KLHL1: variants seen among roughly 807,000 people sequenced by gnomAD.
KLHL1 encodes the protein kelch-like protein 1.
In KLHL1, 47 loss-of-function variants were observed where a neutral mutation model predicts 77.7. The observed-to-expected ratio is 0.60, with a 90% confidence interval of 0.48 to 0.77. KLHL1 has a LOEUF of 0.77. KLHL1 is among the 30% of genes least tolerant of loss of function. KLHL1 has a pLI of 0.00. For missense variants in KLHL1, 925 were observed against 910.8 expected (o/e 1.02, Z -0.20); for synonymous variants, 360 against 325.2 (o/e 1.11, Z -1.15).
intron 1 of KLHL1, among the ~76,000 whole-genome samples, chr13:69,978,626 A>G (rs1406263591): frequency 6.6e-6 from 1 of 151,612 alleles, no homozygotes; most frequent in Non-Finnish European, 1.5e-5. Flanking sequence ...AGCTGGGATT[A>G]CAGGCATGCA....
intron 7 of KLHL1, among the ~76,000 whole-genome samples, chr13:69,765,851 G>C (rs1008991416): frequency 1.5e-4 from 23 of 152,180 alleles, no homozygotes; most frequent in African/African-American, 5.1e-4. Flanking sequence ...AGGGCTTTCA[G>C]CTGAATGGTG....
At chr13:69,715,862 T>A (rs553372564) in intron 9 of KLHL1, among the ~76,000 whole-genome samples, 1 of 152,188 alleles carries the variant, frequency 6.6e-6, no homozygotes. Context: ...ATATCAAAAT[T>A]GTTTTGATAC....
chr13:69,765,276 G>A (rs1875242234), intron 7 of KLHL1, among the ~76,000 whole-genome samples: 1 of 151,460 alleles, frequency 6.6e-6, no homozygotes, highest in South Asian at 2.1e-4. Context: ...TTATAGTGAT[G>A]GTAATCTTAG....
intron 3 of KLHL1, among the ~76,000 whole-genome samples, chr13:69,958,649 C>T (rs1224234359): frequency 2.0e-5 from 3 of 151,668 alleles, no homozygotes; most frequent in Non-Finnish European, 4.4e-5. Context: ...CTCTATTAAA[C>T]ACATTGCTTC....
At chr13:70,030,506 C>T (rs138954120) in intron 1 of KLHL1, among the ~76,000 whole-genome samples, 1,696 of 152,174 alleles carry the variant, frequency 0.011, 19 homozygotes, top group African/African-American at 0.028. Flanking sequence ...AGGTACATAA[C>T]GAAATGAAGG....
intron 1 of KLHL1, among the ~76,000 whole-genome samples, chr13:69,999,393 A>G (rs912417323): frequency 2.0e-5 from 3 of 152,040 alleles, no homozygotes; most frequent in African/African-American, 7.2e-5. Context: ...TGCTTTATGC[A>G]TGGGCCTGGC....
chr13:69,974,730 G>T (rs564509241), intron 2 of KLHL1, among the ~76,000 whole-genome samples: 1 of 151,946 alleles, frequency 6.6e-6, no homozygotes. Flanking sequence ...TTACGCTGAA[G>T]AATATAATTG....
chr13:69,979,470 C>A (rs1292258730), intron 1 of KLHL1, among the ~76,000 whole-genome samples: 1 of 151,954 alleles, frequency 6.6e-6, no homozygotes. Flanking sequence ...ATTATTTAAC[C>A]TTCTTCCCAT....
chr13:69,861,804 A>AAC lies in KLHL1; in HGVS notation c.1227+20478_1227+20479insGT, dbSNP rs71216507. Among the ~76,000 whole-genome samples the AAC allele has an allele frequency of 9.1e-3, 1,355 of 148,190 alleles. 13 individuals carry two copies. The highest frequency in any genetic ancestry group is 0.016 in the Non-Finnish European group (1,091 of 66,960). ...CTCTACTAAAAAAAAAAAAAAAAAAAAAAATACAAAATTAGCCAGGCTTGG... is the reference window on the plus strand; with the variant it reads ...CTCTACTAAAAAAAAAAAAAAAAAAAACAAAATACAAAATTAGCCAGGCTTGG... On this transcript the variant is annotated intron_variant, in intron 5 of 10. Coordinates refer to ENST00000377844, the MANE Select transcript of KLHL1 (RefSeq NM_020866.3).
chr13:69,937,285 A>T (rs1205839710), intron 4 of KLHL1, among the ~76,000 whole-genome samples: 1 of 152,194 alleles, frequency 6.6e-6, no homozygotes. Context: ...TTAGTAAAAT[A>T]AATTTAAAAA....
intron 1 of KLHL1, among the ~76,000 whole-genome samples, chr13:70,081,566 G>T (rs554326953): frequency 3.9e-5 from 6 of 152,312 alleles, no homozygotes; most frequent in Admixed American, 1.3e-4. Context: ...ATGCCATGGA[G>T]ATCTCTCCGT....
chr13:69,970,312 CTTCT>C (rs1884344534), intron 2 of KLHL1, among the ~76,000 whole-genome samples: 1 of 152,058 alleles, frequency 6.6e-6, no homozygotes, highest in Admixed American at 6.6e-5. Context: ...TTCATTTATA[CTTCT>C]TTGTTTCTAA....
At position 70,033,962 on chromosome 13, in the gene KLHL1, C is replaced by T. The variant is rs145042320; in HGVS notation, c.498-58160G>A. 7.2e-5 allele frequency among the ~76,000 whole-genome samples: 11 copies of T among 152,074 alleles called. No individual in the cohort carries two copies. In the South Asian group the frequency reaches 2.1e-3, roughly 29 times the overall value. ...TCCAATCCTTAAGCCCTAATACGGA[C>T]GAAATATAAAATCATCAGGCACATT... is the stretch of plus-strand genomic sequence containing the variant. On this transcript the variant is annotated intron_variant, in intron 1 of 10. Coordinates refer to ENST00000377844, the MANE Select transcript of KLHL1 (RefSeq NM_020866.3).
intron 4 of KLHL1, among the ~76,000 whole-genome samples, chr13:69,925,685 C>CAAAT (rs1377464556): frequency 6.6e-6 from 1 of 151,704 alleles, no homozygotes; most frequent in Non-Finnish European, 1.5e-5. Flanking sequence ...TAAACTCTAA[C>CAAAT]ATTTGAAGTT....
chr13:69,868,665 A>T (rs537840477), intron 5 of KLHL1, among the ~76,000 whole-genome samples: 1 of 152,086 alleles, frequency 6.6e-6, no homozygotes. Context: ...TATCATGATG[A>T]TAGCTTATAT....
intron 4 of KLHL1, among the ~76,000 whole-genome samples, chr13:69,932,415 A>C (rs1227698349): frequency 6.6e-6 from 1 of 151,956 alleles, no homozygotes; most frequent in East Asian, 1.9e-4. Context: ...CTGACATATC[A>C]TAAGAAGTCC....
intron 1 of KLHL1, among the ~76,000 whole-genome samples, chr13:70,008,561 T>C (rs933425197): frequency 4.6e-5 from 7 of 152,116 alleles, no homozygotes; most frequent in South Asian, 2.1e-4. Context: ...GACAGTAATA[T>C]TGGTCATTTA....
intron 8 of KLHL1, among the ~76,000 whole-genome samples, chr13:69,725,763 C>G (rs899083808): frequency 1.3e-5 from 2 of 152,094 alleles, no homozygotes; most frequent in East Asian, 1.9e-4. Flanking sequence ...GTTCACTGTC[C>G]TGTAAGGCAT....
intron 7 of KLHL1, among the ~76,000 whole-genome samples, chr13:69,787,022 A>G (rs910856561): frequency 1.3e-5 from 2 of 152,226 alleles, no homozygotes; most frequent in Admixed American, 6.5e-5. Context: ...ATACAAACAA[A>G]TGGAAGAACA....
Sources: allele counts gnomAD v4.1 joint callset (sites outside exome capture counted in the v4.1 genomes callset), GRCh38; gene constraint gnomAD v4.1.1; transcripts MANE v1.5; gene names NCBI Gene and HGNC (gene_info 2026-07-23, HGNC 2026-07-21).